Variants in SPAG16 observed in about 807,000 individuals in gnomAD.
SPAG16 encodes sperm associated antigen 16.
In SPAG16, 86 loss-of-function variants were observed where a neutral mutation model predicts 80.4. The observed-to-expected ratio is 1.07, with a 90% CI of 0.90 to 1.28. SPAG16 has a LOEUF of 1.28. Ranked by LOEUF, SPAG16 falls within the 50% of genes most tolerant of loss-of-function variation. The pLI is 0.00. For synonymous variants in SPAG16, 294 were observed against 265.9 expected (o/e 1.11, Z -1.03); for missense variants, 870 against 765.3 (o/e 1.14, Z -1.61).
At chr2:213,820,301 C>A (rs1273398394) in intron 10 of SPAG16, among the ~76,000 whole-genome samples, 1 of 152,072 alleles carries the variant, frequency 6.6e-6, no homozygotes, top group Non-Finnish European at 1.5e-5. Flanking sequence ...GATATCAATG[C>A]CTGTAAATAG....
Position 213,468,562 on chromosome 2 carries a change from GAT to G in SPAG16, c.943-21392_943-21391del, listed in dbSNP as rs1321930830. On this transcript the variant is annotated intron_variant, in intron 9 of 15. Transcript: ENST00000331683. ...ATATATATATGTATTTATATATAGA[GAT>G]ATATATATCTATGTATTTATATATA... 5.1e-5 allele frequency among the ~76,000 whole-genome samples: 6 copies of G among 117,844 alleles called. No homozygotes were observed. In the East Asian group the frequency reaches 6.2e-4, roughly 12 times the overall value. The allele number at this position is 117,844 out of a possible 152,430, so 77.3% of individuals were successfully genotyped here. A position where few individuals can be genotyped will look rare whatever the true frequency, so the allele number is the denominator to read the frequency against.
chr2:214,013,257 A>G (rs1249812028), intron 12 of SPAG16, among the ~76,000 whole-genome samples: 5 of 151,762 alleles, frequency 3.3e-5, no homozygotes, highest in Non-Finnish European at 5.9e-5. Context: ...TGATGTTTCA[A>G]TACATATCTG....
At chr2:213,572,959 G>C (rs921075293) in intron 10 of SPAG16, among the ~76,000 whole-genome samples, 13 of 152,168 alleles carry the variant, frequency 8.5e-5, no homozygotes, top group African/African-American at 2.4e-4. Flanking sequence ...TTTTTAAGCC[G>C]GTCTGAAAAG....
At chr2:214,127,892 A>G (rs2054573860) in intron 14 of SPAG16, among the ~76,000 whole-genome samples, 1 of 151,958 alleles carries the variant, frequency 6.6e-6, no homozygotes, top group African/African-American at 2.4e-5. Flanking sequence ...TCAGTTTGTT[A>G]TAACAAAATA....
chr2:213,823,248 T>C (rs2073063701), intron 10 of SPAG16, among the ~76,000 whole-genome samples: 1 of 152,220 alleles, frequency 6.6e-6, no homozygotes, highest in Non-Finnish European at 1.5e-5. Context: ...GTTTCCAGAC[T>C]TGTTAATAAT....
rs542476514 is a variant in SPAG16, at chr2:213,385,500, C to T, written c.942+10381C>T. The stretch of plus-strand genomic sequence containing the variant: ...TACATGTTGGCTAGTTCCTGCAGTT[C>T]CTTGGAAGTAGTTCTTTTCATCTTT... On this transcript the variant is annotated intron_variant, in intron 9 of 15. Transcript: ENST00000331683. Among the ~76,000 whole-genome samples, 3 of 152,218 alleles carry T rather than the reference C, an allele frequency of 2.0e-5. No individual in the cohort carries two copies. The South Asian group carries it at 6.2e-4, about 32-fold the overall frequency.
At chr2:213,571,423 G>T (rs1226296606) in intron 10 of SPAG16, among the ~76,000 whole-genome samples, 1 of 8,158 alleles carries the variant, frequency 1.2e-4, no homozygotes, top group African/African-American at 7.5e-4. Context: ...GCTCTTTTAG[G>T]GCAGGCCTGG....
intron 10 of SPAG16, among the ~76,000 whole-genome samples, chr2:213,672,757 C>T (rs1574742033): frequency 6.6e-6 from 1 of 151,956 alleles, no homozygotes; most frequent in East Asian, 1.9e-4. Context: ...ATCACATTGG[C>T]CCTGCTCTGC....
At chr2:214,311,284 G>T (rs540531234) in intron 15 of SPAG16, among the ~76,000 whole-genome samples, 1 of 152,278 alleles carries the variant, frequency 6.6e-6, no homozygotes, top group South Asian at 2.1e-4. Context: ...GACCTCTGTA[G>T]TTGCCAAAGT....
At chr2:213,772,124 G>A (rs2069287279) in intron 10 of SPAG16, among the ~76,000 whole-genome samples, 1 of 152,144 alleles carries the variant, frequency 6.6e-6, no homozygotes, top group South Asian at 2.1e-4. Context: ...TCCTTGAGCA[G>A]TGGTTTGTAG....
intron 10 of SPAG16, among the ~76,000 whole-genome samples, chr2:213,628,521 TG>T (rs2062035795): frequency 1.3e-5 from 2 of 152,254 alleles, no homozygotes; most frequent in African/African-American, 4.8e-5. Context: ...TTTAAAAATT[TG>T]GACAAGAAAT....
At chr2:214,338,935 A>G (rs192033401) in intron 15 of SPAG16, among the ~76,000 whole-genome samples, 1 of 152,356 alleles carries the variant, frequency 6.6e-6, no homozygotes, top group East Asian at 1.9e-4. Context: ...GATAGCATCC[A>G]GTTCAATGTT....
intron 11 of SPAG16, among the ~76,000 whole-genome samples, chr2:213,896,818 T>C (rs1215162423): frequency 1.3e-5 from 2 of 152,022 alleles, no homozygotes; most frequent in African/African-American, 2.4e-5. Flanking sequence ...CACTGTCTTA[T>C]GTTAAAGCCA....
At chr2:214,354,426 G>A (rs181743810) in intron 15 of SPAG16, among the ~76,000 whole-genome samples, 131 of 152,252 alleles carry the variant, frequency 8.6e-4, no homozygotes, top group African/African-American at 2.9e-3. Context: ...TTGAAGTCAG[G>A]TAGCATGATG....
intron 13 of SPAG16, among the ~76,000 whole-genome samples, chr2:214,102,144 A>AATCTCC (rs2053091072): frequency 2.8e-5 from 4 of 142,166 alleles, no homozygotes; most frequent in Non-Finnish European, 4.5e-5. Flanking sequence ...TTTCATTTAT[A>AATCTCC]ATCTCCATGT....
intron 9 of SPAG16, among the ~76,000 whole-genome samples, chr2:213,476,342 C>G (rs771416294): frequency 6.6e-6 from 1 of 152,204 alleles, no homozygotes; most frequent in African/African-American, 2.4e-5. Context: ...TCAATTGCCC[C>G]AGGACCTTAT....
intron 12 of SPAG16, among the ~76,000 whole-genome samples, chr2:213,933,674 C>G (rs2078867138): frequency 6.6e-6 from 1 of 152,162 alleles, no homozygotes. Context: ...AACAGAGGGA[C>G]TTGCAAAATT....
chr2:213,614,236 C>T (rs542382968), intron 10 of SPAG16, among the ~76,000 whole-genome samples: 58 of 152,294 alleles, frequency 3.8e-4, no homozygotes, highest in African/African-American at 1.3e-3. Flanking sequence ...GGATTTTTAA[C>T]GTCCTGCAAG....
At chr2:214,244,555 T>A (rs1320110756) in intron 15 of SPAG16, among the ~76,000 whole-genome samples, 1 of 151,950 alleles carries the variant, frequency 6.6e-6, no homozygotes, top group Non-Finnish European at 1.5e-5. Context: ...CCACAAAAAA[T>A]CATACATTAA....
Sources: gnomAD v4.1 joint callset for allele counts (sites outside exome capture counted in the v4.1 genomes callset) on GRCh38, gnomAD v4.1.1 for gene constraint, MANE v1.5 for transcripts, NCBI Gene and HGNC (gene_info 2026-07-23, HGNC 2026-07-21) for gene names.